SENP1: variants seen among roughly 807,000 people sequenced by gnomAD.
The protein encoded by SENP1 is SUMO specific peptidase 1.
SENP1 carries 21 observed loss-of-function variants against 93.0 expected under a neutral mutation model. That is an observed-to-expected ratio of 0.23 (90% CI 0.16 to 0.33). SENP1 has a LOEUF of 0.33. Ranked by LOEUF, SENP1 falls within the 10% of genes least tolerant of loss-of-function variation. The pLI is 1.00. For missense variants in SENP1, 591 were observed against 758.7 expected (o/e 0.78, Z 2.60); for synonymous variants, 256 against 259.6 (o/e 0.99, Z 0.13).
At chr12:48,063,633 G>GA in intron 13 of SENP1, 77 bp downstream of exon 13, 7 of 1,459,598 alleles carry the variant, frequency 4.8e-6, no homozygotes, top group Non-Finnish European at 6.6e-6. Context: ...CACATTTTGA[G>GA]AAAAAGTGAG....
intron 4 of SENP1, 128 bp downstream of exon 4, chr12:48,096,214 GT>G: frequency 1.7e-6 from 1 of 573,162 alleles, no homozygotes; most frequent in Non-Finnish European, 3.1e-6. Context: ...TTCAAATGAT[GT>G]TTTAGTGAAG....
At chr12:48,071,344 GGTGGCTCACGCCT>G (rs55638289) in intron 9 of SENP1, among the ~76,000 whole-genome samples, 8,960 of 152,188 alleles carry the variant, frequency 0.059, 354 homozygotes, top group Non-Finnish European at 0.093. Context: ...GGCCAGGCAT[GGTGGCTCACGCCT>G]GTAATCCCAG....
intron 10 of SENP1, 140 bp downstream of exon 10, chr12:48,066,787 C>T (rs1943333757): frequency 2.1e-5 from 14 of 674,952 alleles, no homozygotes; most frequent in Non-Finnish European, 3.4e-5. Context: ...GCTGGAATTA[C>T]AGGCGTGAGC....
In SENP1 at chr12:48,101,489, T is replaced by A; in HGVS notation, c.-17A>T. ...CTTACCCATTTCAAGTCTTTTCACA[T>A]CACTGACTTTAGCAAAGATACAAAG... On this transcript the variant is annotated 5_prime_UTR_variant, in exon 2 of 18. The change abolishes an upstream ATG in the 5' untranslated region. Transcript: ENST00000549518. The A allele has an allele frequency of 3.8e-6, 6 of 1,595,944 alleles. No individual in the cohort carries two copies. Among genetic ancestry groups the A allele is most frequent in the Non-Finnish European group, 5.1e-6 (6 of 1,171,602 alleles).
In SENP1 at chr12:48,074,708, G is replaced by T; in HGVS notation, c.638C>A (p.Thr213Lys). The T allele has an allele frequency of 3.7e-6, 6 of 1,613,084 alleles. No homozygotes were observed. Among genetic ancestry groups the T allele is most frequent in the Non-Finnish European group, 5.1e-6 (6 of 1,179,358 alleles). The part of the protein sequence containing the change: ...GKQFTIAKPT[T>K]HFPLHLSRCL... ...GACTCACAGGTGTAAAGGAAAATGT[G>T]TGGTGGGTTTGGCTATAGTAAACTG... The change falls in exon 7 of 18, where the codon ACA becomes AAA. Residue 213 changes from threonine to lysine, a missense_variant. Thr to Lys is a moderately conservative substitution (Grantham distance 78). This residue lies in a region of SENP1 where 7 missense variants were observed against 26.1 expected (regional missense o/e 0.27). Coordinates refer to ENST00000549518, the MANE Select transcript of SENP1 (RefSeq NM_001267594.2).
At chr12:48,086,751 GCTGAGGCTGGGC>G (rs1277707239) in intron 5 of SENP1, among the ~76,000 whole-genome samples, 1 of 152,044 alleles carries the variant, frequency 6.6e-6, no homozygotes, top group Admixed American at 6.6e-5. Context: ...AAAAAAGGAG[GCTGAGGCTGGGC>G]ATGGTGGCTC....
intron 13 of SENP1, among the ~76,000 whole-genome samples, chr12:48,055,963 A>G (rs2136847813): frequency 7.4e-6 from 1 of 135,214 alleles, no homozygotes; most frequent in South Asian, 2.2e-4. Context: ...TATGTAATAT[A>G]TCAATATATA....
intron 4 of SENP1, among the ~76,000 whole-genome samples, chr12:48,093,347 G>T (rs576508421): frequency 6.8e-6 from 1 of 147,390 alleles, no homozygotes; most frequent in African/African-American, 2.5e-5. Flanking sequence ...GCAGTGGCGC[G>T]ATCTCCGCTC....
chr12:48,098,146 G>T, intron 2 of SENP1, 22 bp from the exon 3 acceptor site: 1 of 1,597,812 alleles, frequency 6.3e-7, no homozygotes, highest in Non-Finnish European at 8.5e-7. Flanking sequence ...GTCTGGATTA[G>T]TTCAAGTCAC....
intron 1 of SENP1, among the ~76,000 whole-genome samples, chr12:48,104,929 T>A (rs2137418457): frequency 6.6e-6 from 1 of 152,282 alleles, no homozygotes; most frequent in South Asian, 2.1e-4. Context: ...TAAAGGGTGG[T>A]AGAGTGTAAA....
At chr12:48,095,279 G>C in intron 4 of SENP1, among the ~76,000 whole-genome samples, 1 of 152,100 alleles carries the variant, frequency 6.6e-6, no homozygotes, top group Non-Finnish European at 1.5e-5. Context: ...GCTTACACCT[G>C]TAATCCCAGC....
At chr12:48,071,447 C>T (rs111804327) in intron 9 of SENP1, among the ~76,000 whole-genome samples, 15 of 152,218 alleles carry the variant, frequency 9.9e-5, no homozygotes, top group African/African-American at 3.1e-4. Context: ...AAAACCCCAT[C>T]TCTACTAAAA....
Position 48,052,537 on chromosome 12 carries a change from C to G in SENP1, c.1408-3405G>C, listed in dbSNP as rs528650072. 2.0e-4 allele frequency among the ~76,000 whole-genome samples: 31 copies of G among 152,228 alleles called. 1 individual carries two copies. In the South Asian group the frequency reaches 6.2e-3, roughly 31 times the overall value. On this transcript the variant is annotated intron_variant, in intron 13 of 17. Coordinates refer to ENST00000549518, the MANE Select transcript of SENP1 (RefSeq NM_001267594.2). ...ATTTACCCTTATCAACCACAAAGTCCAAGAGACTAACAGCAGCATTTGAAT... is the reference window on the plus strand; with the variant it reads ...ATTTACCCTTATCAACCACAAAGTCGAAGAGACTAACAGCAGCATTTGAAT...
intron 9 of SENP1, among the ~76,000 whole-genome samples, chr12:48,069,628 T>G (rs1276602367): frequency 6.6e-6 from 1 of 152,174 alleles, no homozygotes; most frequent in African/African-American, 2.4e-5. Flanking sequence ...TAAAAATAAG[T>G]GTTTTATCTG....
intron 14 of SENP1, 61 bp downstream of exon 14, chr12:48,048,868 C>T: frequency 7.9e-7 from 1 of 1,269,054 alleles, no homozygotes. Flanking sequence ...ACTCACTACC[C>T]TCTGTGTGTT....
At chr12:48,100,645 A>C (rs1945859772) in intron 2 of SENP1, among the ~76,000 whole-genome samples, 1 of 151,886 alleles carries the variant, frequency 6.6e-6, no homozygotes, top group Admixed American at 6.6e-5. Context: ...AAAAGAAAAA[A>C]GAGAAAAAAA....
At chr12:48,079,606 C>T (rs1944369510) in intron 6 of SENP1, among the ~76,000 whole-genome samples, 1 of 152,018 alleles carries the variant, frequency 6.6e-6, no homozygotes, top group Non-Finnish European at 1.5e-5. Context: ...CTGAAAAAAC[C>T]CTAAGACGAG....
intron 13 of SENP1, among the ~76,000 whole-genome samples, chr12:48,062,466 A>G (rs1466111305): frequency 6.6e-6 from 1 of 152,232 alleles, no homozygotes; most frequent in Admixed American, 6.5e-5. Flanking sequence ...CACAGATATT[A>G]TTCAGGGAGT....
At chr12:48,047,344 G>A (rs974276538) in intron 15 of SENP1, among the ~76,000 whole-genome samples, 2 of 152,110 alleles carry the variant, frequency 1.3e-5, no homozygotes, top group Non-Finnish European at 2.9e-5. Flanking sequence ...CATTCCTTCT[G>A]AGGAACAATT....
Sources: allele counts gnomAD v4.1 joint callset (sites outside exome capture counted in the v4.1 genomes callset), GRCh38; gene constraint gnomAD v4.1.1; regional missense constraint gnomAD v4.1.1; transcripts MANE v1.5; gene names NCBI Gene and HGNC (gene_info 2026-07-23, HGNC 2026-07-21).